Variants in SRGAP1 observed in about 807,000 individuals in gnomAD.
SRGAP1 encodes SLIT-ROBO Rho GTPase-activating protein 1.
In SRGAP1, 43 loss-of-function variants were observed where a neutral mutation model predicts 121.9. The observed-to-expected ratio is 0.35, with a 90% CI of 0.28 to 0.46. The LOEUF (loss-of-function observed/expected upper bound fraction) is 0.46, where lower values mean the gene tolerates loss of function less well. Among genes scored for constraint, SRGAP1 ranks in the 20% least tolerant of loss-of-function variants. The probability of loss-of-function intolerance (pLI) is 1.00; values close to 1 mark genes in which losing one functional copy is unlikely to be tolerated. For missense variants in SRGAP1, 1,102 were observed against 1,350.9 expected, an observed-to-expected ratio of 0.82 and a Z score of 2.89; for synonymous variants, 447 against 485.4, an observed-to-expected ratio of 0.92 and a Z score of 1.04.
chr12:64,131,024 G>C (rs1350952305), intron 21 of SRGAP1, among the ~76,000 whole-genome samples: 1 of 152,210 alleles, frequency 6.6e-6, no homozygotes, highest in Admixed American at 6.5e-5. Flanking sequence ...GCCATAGCCA[G>C]GTCAGCCTTG....
chr12:63,960,168 T>C (rs528050125), intron 1 of SRGAP1, among the ~76,000 whole-genome samples: 8 of 152,196 alleles, frequency 5.3e-5, no homozygotes, highest in Non-Finnish European at 1.2e-4. Context: ...CCATTTAAGG[T>C]GACATCAATA....
intron 1 of SRGAP1, among the ~76,000 whole-genome samples, chr12:63,882,059 C>G (rs896814475): frequency 5.9e-5 from 9 of 152,040 alleles, no homozygotes; most frequent in African/African-American, 1.7e-4. Context: ...TATAATTAAG[C>G]AAATATTAGG....
intron 4 of SRGAP1, among the ~76,000 whole-genome samples, chr12:64,041,765 T>C (rs2035029588): frequency 6.6e-6 from 1 of 152,038 alleles, no homozygotes; most frequent in South Asian, 2.1e-4. Context: ...TGTGTGTACA[T>C]GTGTGTATGT....
At chr12:64,094,877 A>T in intron 12 of SRGAP1, 55 bp from the exon 13 acceptor site, 1 of 1,488,190 alleles carries the variant, frequency 6.7e-7, no homozygotes, top group Non-Finnish European at 9.4e-7. Flanking sequence ...CCTTATTATT[A>T]TGAGGCATTT....
rs139211084 is a variant in SRGAP1, at chr12:64,158,629, G to A, written c.*15957G>A. 0.04 allele frequency: 6,016 copies of A among 151,884 alleles called. 195 individuals carry two copies. Among genetic ancestry groups the A allele is most frequent in the South Asian group, 0.12 (579 of 4,776 alleles). 9.4% of individuals were successfully genotyped at this position (151,884 alleles called of 1,614,324 possible). ...TCTACTAATGATACGAAAATTAGCC[G>A]GGCATGGTGGCGTGCACCTGTAGTC... On this transcript the variant is annotated 3_prime_UTR_variant, in exon 22 of 22. Transcript: ENST00000355086.
At chr12:63,999,476 A>G (rs920316474) in intron 3 of SRGAP1, among the ~76,000 whole-genome samples, 5 of 152,172 alleles carry the variant, frequency 3.3e-5, no homozygotes, top group African/African-American at 1.2e-4. Flanking sequence ...TGGTTGTGGC[A>G]GTAGAAACAG....
chr12:64,115,216 C>G (rs191532006), intron 17 of SRGAP1, among the ~76,000 whole-genome samples: 1 of 152,246 alleles, frequency 6.6e-6, no homozygotes, highest in Admixed American at 6.5e-5. Flanking sequence ...CATATTCTAC[C>G]AGAATTCAAC....
At chr12:64,125,366 G>A (rs1363975344) in intron 18 of SRGAP1, among the ~76,000 whole-genome samples, 2 of 152,040 alleles carry the variant, frequency 1.3e-5, no homozygotes, top group African/African-American at 4.8e-5. Context: ...TCCAAAATTT[G>A]TTACTGATAC....
intron 6 of SRGAP1, among the ~76,000 whole-genome samples, chr12:64,049,089 C>G (rs1173582093): frequency 1.3e-5 from 2 of 152,184 alleles, no homozygotes; most frequent in Non-Finnish European, 2.9e-5. Context: ...GACCAATTGC[C>G]TGGAGAGTTT....
intron 18 of SRGAP1, among the ~76,000 whole-genome samples, chr12:64,117,901 G>C (rs1227852333): frequency 1.3e-5 from 2 of 152,118 alleles, no homozygotes. Context: ...ATGTCCTCCA[G>C]GTTCATCCAT....
At chr12:63,929,037 G>C (rs1325644848) in intron 1 of SRGAP1, among the ~76,000 whole-genome samples, 1 of 151,384 alleles carries the variant, frequency 6.6e-6, no homozygotes, top group Non-Finnish European at 1.5e-5. Flanking sequence ...TTCCTAACAG[G>C]CCACGGACCA....
chr12:63,986,745 A>G (rs533848700), intron 2 of SRGAP1, among the ~76,000 whole-genome samples: 79 of 152,262 alleles, frequency 5.2e-4, no homozygotes, highest in African/African-American at 1.5e-3. Context: ...ATTTTTTAGT[A>G]TCTTCTGTGT....
intron 1 of SRGAP1, among the ~76,000 whole-genome samples, chr12:63,967,032 G>T (rs1051253824): frequency 1.1e-4 from 17 of 152,268 alleles, no homozygotes; most frequent in African/African-American, 3.9e-4. Flanking sequence ...TGTCTTTTAA[G>T]TGCATTTACT....
At chr12:64,112,329 A>G (rs2036442965) in intron 17 of SRGAP1, among the ~76,000 whole-genome samples, 1 of 152,200 alleles carries the variant, frequency 6.6e-6, no homozygotes. Flanking sequence ...GTCTAAATCA[A>G]AGGTTTTGGT....
In SRGAP1 at chr12:64,094,920, C is replaced by T. The variant is rs1259588108; in HGVS notation, c.1540-12C>T. On this transcript the variant is annotated splice_polypyrimidine_tract_variant and intron_variant, in intron 12 of 21. Coordinates refer to ENST00000355086, the MANE Select transcript of SRGAP1 (RefSeq NM_020762.4). The stretch of plus-strand genomic sequence containing the variant: ...TCCCTTGAGGTTAACTGGTTTCCAT[C>T]CCTTTACCCAGGACTCAGGACAGGT... The T allele has an allele frequency of 1.9e-6, 3 of 1,613,692 alleles. No homozygotes were observed. Among genetic ancestry groups the T allele is most frequent in the South Asian group, 2.2e-5 (2 of 91,056 alleles).
At chr12:63,899,468 TGCAGCTACTGAACCAGAATA>T (rs1900861978) in intron 1 of SRGAP1, among the ~76,000 whole-genome samples, 1 of 152,222 alleles carries the variant, frequency 6.6e-6, no homozygotes, top group Non-Finnish European at 1.5e-5. Flanking sequence ...TCACCAGTCG[TGCAGCTACTGAACCAGAATA>T]GGTTCAGAGA....
chr12:64,133,932 G>A (rs548112154), intron 21 of SRGAP1, among the ~76,000 whole-genome samples: 1 of 152,196 alleles, frequency 6.6e-6, no homozygotes, highest in South Asian at 2.1e-4. Flanking sequence ...CCTCTGCTGT[G>A]CATTACTGTA....
chr12:63,944,326 G>A (rs574369890), intron 1 of SRGAP1, among the ~76,000 whole-genome samples: 2 of 152,232 alleles, frequency 1.3e-5, no homozygotes, highest in African/African-American at 2.4e-5. Context: ...ATATCTCACC[G>A]TTCTGGAGGC....
chr12:64,107,141 T>C (rs2036357620), intron 15 of SRGAP1, among the ~76,000 whole-genome samples: 1 of 152,214 alleles, frequency 6.6e-6, no homozygotes, highest in Admixed American at 6.5e-5. Flanking sequence ...TCATTCTTGG[T>C]TAATCAAGAA....
Sources: gnomAD v4.1 joint callset for allele counts (sites outside exome capture counted in the v4.1 genomes callset) on GRCh38, gnomAD v4.1.1 for gene constraint, MANE v1.5 for transcripts, NCBI Gene and HGNC (gene_info 2026-07-23, HGNC 2026-07-21) for gene names.